The following SNPH variants were observed in gnomAD, a reference collection of about 807,000 sequenced individuals.
SNPH encodes the protein syntaphilin.
A neutral mutation model predicts 36.8 loss-of-function variants in SNPH; 10 were observed. The ratio of observed to expected loss-of-function variants is 0.27; its 90% CI spans 0.17 to 0.46. SNPH has a LOEUF of 0.46. Among genes scored for constraint, SNPH ranks in the 20% least tolerant of loss-of-function variants. The pLI is 1.00. For synonymous variants in SNPH, 281 were observed against 312.2 expected (o/e 0.90, Z 1.05); for missense variants, 622 against 744.0 (o/e 0.84, Z 1.91).
chr20:1,286,803 G>C (rs1274755994), intron 2 of SNPH, among the ~76,000 whole-genome samples: 1 of 152,216 alleles, frequency 6.6e-6, no homozygotes, highest in East Asian at 1.9e-4. Flanking sequence ...TGTATTACCA[G>C]GAACGAGGAA....
intron 2 of SNPH, among the ~76,000 whole-genome samples, chr20:1,277,497 A>T (rs1257657652): frequency 9.6e-6 from 1 of 103,986 alleles, no homozygotes; most frequent in Non-Finnish European, 2.0e-5. Flanking sequence ...GTGTATCTGT[A>T]TGTGTGTCCG....
chr20:1,284,849 T>C (rs1204022636), intron 2 of SNPH, among the ~76,000 whole-genome samples: 1 of 152,092 alleles, frequency 6.6e-6, no homozygotes, highest in African/African-American at 2.4e-5. Context: ...TTAGCCTCTA[T>C]TGAAAGGAAG....
intron 5 of SNPH, among the ~76,000 whole-genome samples, chr20:1,299,162 G>C (rs561295602): frequency 4.6e-5 from 7 of 152,132 alleles, no homozygotes; most frequent in Admixed American, 1.3e-4. Context: ...CTTTCTCTTT[G>C]ACAGTTTACG....
intron 2 of SNPH, among the ~76,000 whole-genome samples, chr20:1,278,671 A>G (rs949433730): frequency 6.6e-6 from 1 of 152,154 alleles, no homozygotes; most frequent in Non-Finnish European, 1.5e-5. Flanking sequence ...TGTGTATACC[A>G]ATAGTTTATT....
chr20:1,284,216 TG>T (rs2088258501), intron 2 of SNPH, among the ~76,000 whole-genome samples: 1 of 152,280 alleles, frequency 6.6e-6, no homozygotes, highest in South Asian at 2.1e-4. Flanking sequence ...TAGAACACTG[TG>T]TGTAGAAAGG....
intron 3 of SNPH, among the ~76,000 whole-genome samples, chr20:1,295,429 A>T (rs1027618863): frequency 6.6e-6 from 1 of 152,172 alleles, no homozygotes; most frequent in Non-Finnish European, 1.5e-5. Flanking sequence ...TCTAGGCACG[A>T]ACGCTTCCTC....
Position 1,304,269 on chromosome 20 carries a change from G to A in SNPH, c.441-609G>A, listed in dbSNP as rs181981477. 1.3e-5 allele frequency among the ~76,000 whole-genome samples: 2 copies of A among 152,160 alleles called. No individual in the cohort carries two copies. Among genetic ancestry groups the A allele is most frequent in the East Asian group, 1.9e-4 (1 of 5,170 alleles). On this transcript the variant is annotated intron_variant, in intron 6 of 6. Coordinates refer to ENST00000381867, the MANE Select transcript of SNPH (RefSeq NM_001318234.2). The surrounding 1 kb of genome is among the most constrained non-coding windows in gnomAD (Gnocchi z 4.3). ...GCCACCCTGTTCTTATCACTCTCCC[G>A]TTCCACCCACCACTTCTCATCGCTC...
rs1294086735 is a variant in SNPH, at chr20:1,297,249, C to G, written c.287C>G (p.Pro96Arg). ...SYKGSDSSPT[P>R]RRSMKYTLCS... is the part of the protein sequence containing the mutation. The stretch of plus-strand genomic sequence containing the variant: ...AAGGGCAGTGACAGCAGTCCCACGC[C>G]AAGGTAATTGGCCCCTCCTCTCTGG... Residue 96 changes from proline (P) to arginine (R), a missense_variant, in exon 5 of 7, where the codon CCA becomes CGA. Physicochemically the swap from Pro to Arg is moderately radical, Grantham distance 103. Coordinates refer to ENST00000381867, the MANE Select transcript of SNPH (RefSeq NM_001318234.2). The G allele has an allele frequency of 5.0e-6, 8 of 1,613,360 alleles. No homozygotes were observed. Among genetic ancestry groups the G allele is most frequent in the Non-Finnish European group, 6.8e-6 (8 of 1,179,750 alleles).
At position 1,305,175 on chromosome 20, in the gene SNPH, TGG is replaced by T; in HGVS notation, c.740_741del (p.Gly247ValfsTer17). On this transcript the variant is annotated frameshift_variant, in exon 7 of 7. Transcript: ENST00000381867. LOFTEE classifies it high-confidence loss of function. The stretch of plus-strand genomic sequence containing the variant: ...AGGATGGCACTGGGGAGTCAGCCGG[TGG>T]GTCCCCTGCCCGCTCCCTCACCCGC... ...KEDGTGESAG[G>X]SPARSLTRSS... 6.2e-7 allele frequency: 1 copy of T among 1,612,618 alleles called. No homozygotes were observed. The highest frequency in any genetic ancestry group is 8.5e-7 in the Non-Finnish European group (1 of 1,179,756).
Position 1,304,623 on chromosome 20 carries a change from G to A in SNPH, c.441-255G>A, listed in dbSNP as rs1363115551. Among the ~76,000 whole-genome samples the A allele has an allele frequency of 6.6e-6, 1 of 152,020 alleles. No homozygotes were observed. The highest frequency in any genetic ancestry group is 6.6e-5 in the Admixed American group (1 of 15,266). On this transcript the variant is annotated intron_variant, in intron 6 of 6. Coordinates refer to ENST00000381867, the MANE Select transcript of SNPH (RefSeq NM_001318234.2). This position sits in a 1 kb window ranked among gnomAD's most constrained non-coding sequence, Gnocchi z 4.3. ...GTGGGGTGGGGGAGGGAATGCGAGT[G>A]GTGTCTCCTCCCAACCTTTCTTCTC...
intron 2 of SNPH, among the ~76,000 whole-genome samples, chr20:1,278,262 GTGTC>G (rs2088177019): frequency 6.6e-6 from 1 of 152,070 alleles, no homozygotes; most frequent in Non-Finnish European, 1.5e-5. Flanking sequence ...ATGTGTGTCA[GTGTC>G]TGTGTGTATG....
At chr20:1,299,072 G>A (rs965902386) in intron 5 of SNPH, among the ~76,000 whole-genome samples, 32 of 151,958 alleles carry the variant, frequency 2.1e-4, no homozygotes, top group African/African-American at 6.0e-4. Context: ...GGAGACCTGC[G>A]TGACTTGGCT....
rs2088581510 is a variant in SNPH, at chr20:1,306,512, G to C, written c.*458G>C. 6.4e-6 allele frequency: 1 copy of C among 155,172 alleles called. No individual in the cohort carries two copies. 9.6% of individuals were successfully genotyped at this position (155,172 alleles called of 1,614,324 possible). On this transcript the variant is annotated 3_prime_UTR_variant, in exon 7 of 7. Coordinates refer to ENST00000381867, the MANE Select transcript of SNPH (RefSeq NM_001318234.2). ...ACCTTGCCCGCAGCCCAGGCTCCTG[G>C]GCCAGTGCTCTCTCCTCAAATGGAG...
chr20:1,297,875 C>T (rs1172524003), intron 5 of SNPH, among the ~76,000 whole-genome samples: 2 of 152,216 alleles, frequency 1.3e-5, no homozygotes, highest in African/African-American at 4.8e-5. Context: ...CAGTGTCTAC[C>T]ATCATGCACT....
intron 2 of SNPH, among the ~76,000 whole-genome samples, chr20:1,280,180 T>C (rs1455774489): frequency 6.6e-6 from 1 of 152,206 alleles, no homozygotes; most frequent in African/African-American, 2.4e-5. Flanking sequence ...GCCAGACCTC[T>C]TTCTCAGCTC....
At position 1,305,156 on chromosome 20, in the gene SNPH, G is replaced by A. The variant is rs777161828; in HGVS notation, c.719G>A (p.Gly240Asp). The A allele has an allele frequency of 9.9e-6, 16 of 1,613,186 alleles. No homozygotes were observed. Among genetic ancestry groups the A allele is most frequent in the Non-Finnish European group, 1.1e-5 (13 of 1,179,930 alleles). Residue 240 changes from glycine to aspartate, a missense_variant, in exon 7 of 7, where the codon GGC becomes GAC. Gly to Asp is a moderately conservative substitution (Grantham distance 94). Transcript: ENST00000381867. ...CAGAATGGCATGGCCAAGGAGGATG[G>A]CACTGGGGAGTCAGCCGGTGGGTCC... ...VAQNGMAKED[G>D]TGESAGGSPA...
chr20:1,279,013 A>G (rs182828537), intron 2 of SNPH, among the ~76,000 whole-genome samples: 150 of 152,368 alleles, frequency 9.8e-4, no homozygotes, highest in African/African-American at 3.3e-3. Flanking sequence ...TATTACAAGT[A>G]AAGCTGTTAT....
intron 5 of SNPH, among the ~76,000 whole-genome samples, chr20:1,298,720 A>G (rs1417633650): frequency 2.6e-5 from 4 of 152,036 alleles, no homozygotes; most frequent in Non-Finnish European, 5.9e-5. Context: ...GTGGGGCCAC[A>G]GTTAGGTCCC....
At chr20:1,293,819 GC>G (rs2088393908) in intron 2 of SNPH, among the ~76,000 whole-genome samples, 1 of 152,170 alleles carries the variant, frequency 6.6e-6, no homozygotes. Context: ...TCAAGAGGAG[GC>G]AGGTGTGGGG....
Sources: gnomAD v4.1 joint callset for allele counts (sites outside exome capture counted in the v4.1 genomes callset) on GRCh38, gnomAD v4.1.1 for gene constraint, Gnocchi (gnomAD v3.1) non-coding constraint, MANE v1.5 for transcripts, NCBI Gene and HGNC (gene_info 2026-07-23, HGNC 2026-07-21) for gene names.